Variants in LPP observed in about 807,000 individuals in gnomAD.
LPP encodes lipoma-preferred partner.
A neutral mutation model predicts 60.4 loss-of-function variants in LPP; 38 were observed. The ratio of observed to expected loss-of-function variants is 0.63; its 90% CI spans 0.49 to 0.83. LPP has a LOEUF of 0.83. LPP is among the 40% of genes least tolerant of loss of function. The pLI, the probability that LPP is intolerant of heterozygous loss-of-function variation, is 0.00. For synonymous variants in LPP, 328 were observed against 290.8 expected, an observed-to-expected ratio of 1.13 and a Z score of -1.30; for missense variants, 902 against 783.6, an observed-to-expected ratio of 1.15 and a Z score of -1.80.
intron 1 of LPP, among the ~76,000 whole-genome samples, chr3:188,155,586 G>A (rs1046361074): frequency 1.3e-5 from 2 of 152,230 alleles, no homozygotes; most frequent in African/African-American, 4.8e-5. Flanking sequence ...CCACGAAGGT[G>A]GGTGCTAGAC....
intron 8 of LPP, chr3:188,725,477 T>G (rs914988776): frequency 6.6e-5 from 10 of 152,228 alleles, no homozygotes; most frequent in African/African-American, 2.4e-4. Context: ...TCAAGAGGTA[T>G]TCTAGACAGA....
At chr3:188,227,930 T>C (rs1718410389) in intron 2 of LPP, among the ~76,000 whole-genome samples, 1 of 152,228 alleles carries the variant, frequency 6.6e-6, no homozygotes, top group Non-Finnish European at 1.5e-5. Flanking sequence ...CATCCAAACC[T>C]CATGGTACTC....
intron 2 of LPP, among the ~76,000 whole-genome samples, chr3:188,311,929 G>A (rs773893386): frequency 2.0e-4 from 31 of 151,970 alleles, no homozygotes; most frequent in Admixed American, 8.5e-4. Flanking sequence ...GTGAGCCACC[G>A]CACCAGGCCT....
At chr3:188,758,479 T>C (rs1201914221) in intron 8 of LPP, among the ~76,000 whole-genome samples, 1 of 152,062 alleles carries the variant, frequency 6.6e-6, no homozygotes, top group East Asian at 1.9e-4. Flanking sequence ...TCTTATTCCT[T>C]AGGAAAAAAA....
intron 7 of LPP, among the ~76,000 whole-genome samples, chr3:188,707,360 A>G (rs1159402325): frequency 1.3e-5 from 2 of 152,130 alleles, no homozygotes; most frequent in Non-Finnish European, 2.9e-5. Context: ...GATGAGGGAT[A>G]AAAGACTATA....
At chr3:188,470,319 C>CACACACACACAT (rs138685539) in intron 4 of LPP, among the ~76,000 whole-genome samples, 4,135 of 148,770 alleles carry the variant, frequency 0.028, 137 homozygotes, top group Admixed American at 0.049. Context: ...CACACACACA[C>CACACACACACAT]GCACACATAA....
In LPP at chr3:188,684,862, T is replaced by C. The variant is rs765814421; in HGVS notation, c.1114-23405T>C. 2.0e-5 allele frequency among the ~76,000 whole-genome samples: 3 copies of C among 152,176 alleles called. No homozygotes were observed. In the East Asian group the frequency reaches 5.8e-4, roughly 29 times the overall value. On this transcript the variant is annotated intron_variant, in intron 7 of 11. Coordinates refer to ENST00000617246, the MANE Select transcript of LPP (RefSeq NM_001375462.1). ...CAAAGACTCTTTTGTTGGTATTCAA[T>C]TGGCAGAATTAATGAAACAAATATT...
chr3:188,745,543 CAGTA>C (rs1330294497), intron 8 of LPP, among the ~76,000 whole-genome samples: 1 of 152,184 alleles, frequency 6.6e-6, no homozygotes, highest in Non-Finnish European at 1.5e-5. Flanking sequence ...ATTAACCACT[CAGTA>C]AGCCTTTTGT....
At chr3:188,197,871 T>C (rs909578972) in intron 1 of LPP, among the ~76,000 whole-genome samples, 1 of 152,204 alleles carries the variant, frequency 6.6e-6, no homozygotes, top group Non-Finnish European at 1.5e-5. Flanking sequence ...ATTTTTCCAT[T>C]AGGCGTGCAT....
intron 10 of LPP, among the ~76,000 whole-genome samples, chr3:188,870,220 A>G (rs1218574319): frequency 6.6e-6 from 1 of 152,116 alleles, no homozygotes; most frequent in African/African-American, 2.4e-5. Context: ...CATTTTTGCA[A>G]TAAGGATTTG....
At chr3:188,757,889 G>GTTTTT (rs750488243) in intron 8 of LPP, among the ~76,000 whole-genome samples, 3,771 of 77,930 alleles carry the variant, frequency 0.048, 365 homozygotes, top group African/African-American at 0.17. Context: ...TGTTTTTTTG[G>GTTTTT]TTTTTTTTTT....
chr3:188,879,871 A>G lies in LPP; in HGVS notation c.*5392A>G, dbSNP rs139247334. The G allele has an allele frequency of 1.7e-3, 304 of 181,816 alleles. No homozygotes were observed. The highest frequency in any genetic ancestry group is 0.015 in the Middle Eastern group (7 of 466). The allele number at this position is 181,816 out of a possible 1,614,324, so 11.3% of individuals were successfully genotyped here. ...CAGTTTTTCTTAGATCACAGACTAC[A>G]GGCAGAATTTCCCTTCAATCCAGAA... On this transcript the variant is annotated 3_prime_UTR_variant, in exon 12 of 12. Transcript: ENST00000617246.
In LPP at chr3:188,268,017, A is replaced by AT. The variant is rs5855185; in HGVS notation, c.-67+42513dup. Among the ~76,000 whole-genome samples the AT allele has an allele frequency of 9.8e-3, 1,001 of 102,310 alleles. 12 individuals are homozygous for AT. Among genetic ancestry groups the AT allele is most frequent in the Non-Finnish European group, 0.016 (815 of 51,234 alleles). The allele number at this position is 102,310 out of a possible 152,430, so 67.1% of individuals were successfully genotyped here. A position where few individuals can be genotyped will look rare whatever the true frequency, so the allele number is the denominator to read the frequency against. ...GATGGAATTCCAACTATTTTTAAGG[A>AT]TTTTTTTTTTTTTTTTTTTTTTTGC... On this transcript the variant is annotated intron_variant, in intron 2 of 11. Coordinates refer to ENST00000617246, the MANE Select transcript of LPP (RefSeq NM_001375462.1).
intron 7 of LPP, among the ~76,000 whole-genome samples, chr3:188,678,682 T>G (rs1858693329): frequency 6.6e-6 from 1 of 152,188 alleles, no homozygotes; most frequent in Non-Finnish European, 1.5e-5. Context: ...GCTGTGAACA[T>G]TTTTTGGGCA....
chr3:188,637,817 G>A (rs534627754), intron 7 of LPP, among the ~76,000 whole-genome samples: 17 of 152,254 alleles, frequency 1.1e-4, no homozygotes, highest in Non-Finnish European at 2.4e-4. Flanking sequence ...AAACCAGGAA[G>A]AAGTTGAATC....
intron 1 of LPP, among the ~76,000 whole-genome samples, chr3:188,207,212 C>CTTTTTTTTTTTTTTTTTTTTTTTTTT (rs5855184): frequency 7.7e-6 from 1 of 129,334 alleles, no homozygotes; most frequent in Non-Finnish European, 1.6e-5. Flanking sequence ...TACACATTTT[C>CTTTTTTTTTTTTTTTTTTTTTTTTTT]TTTTTTTTTT....
chr3:188,160,595 A>G (rs1045020139), intron 1 of LPP, among the ~76,000 whole-genome samples: 7 of 152,230 alleles, frequency 4.6e-5, no homozygotes, highest in African/African-American at 7.2e-5. Context: ...TCTAGGATCA[A>G]TATCAAAATC....
chr3:188,385,197 T>G (rs1644672126), intron 3 of LPP, among the ~76,000 whole-genome samples: 1 of 152,132 alleles, frequency 6.6e-6, no homozygotes, highest in Non-Finnish European at 1.5e-5. Flanking sequence ...CACCTTCCCA[T>G]AGTGCTTTAG....
At chr3:188,407,060 A>G (rs1479960620) in intron 4 of LPP, among the ~76,000 whole-genome samples, 2 of 137,952 alleles carry the variant, frequency 1.4e-5, no homozygotes, top group African/African-American at 5.6e-5. Context: ...ATTCAAACTC[A>G]AGAAAAAATA....
Sources: gnomAD v4.1 joint callset for allele counts (sites outside exome capture counted in the v4.1 genomes callset) on GRCh38, gnomAD v4.1.1 for gene constraint, MANE v1.5 for transcripts, NCBI Gene and HGNC (gene_info 2026-07-23, HGNC 2026-07-21) for gene names.